ARHGAP27: variants seen among roughly 807,000 people sequenced by gnomAD.
The protein encoded by ARHGAP27 is rho GTPase-activating protein 27.
A neutral mutation model predicts 102.0 loss-of-function variants in ARHGAP27; 53 were observed. The ratio of observed to expected loss-of-function variants is 0.52; its 90% CI spans 0.42 to 0.65. The LOEUF (loss-of-function observed/expected upper bound fraction) is 0.65. Among genes scored for constraint, ARHGAP27 ranks in the 30% least tolerant of loss-of-function variants. The pLI is 0.00. For synonymous variants in ARHGAP27, 525 were observed against 542.8 expected (o/e 0.97, Z 0.46); for missense variants, 1,117 against 1,256.2 (o/e 0.89, Z 1.68).
At chr17:45,432,520 C>A (rs947630918) in intron 1 of ARHGAP27, among the ~76,000 whole-genome samples, 171 bp from the exon 2 acceptor site, 2 of 152,184 alleles carry the variant, frequency 1.3e-5, no homozygotes, top group African/African-American at 4.8e-5. Flanking sequence ...TCCCTCCAGC[C>A]CCCAGATGGA....
rs1192489617 is a variant in ARHGAP27, at chr17:45,427,967, T to C, written c.657+1656A>G. Among the ~76,000 whole-genome samples, 1 of 152,202 alleles carries C rather than the reference T, an allele frequency of 6.6e-6. No homozygotes were observed. Among genetic ancestry groups the C allele is most frequent in the East Asian group, 1.9e-4 (1 of 5,200 alleles). On this transcript the variant is annotated intron_variant, in intron 4 of 19. Coordinates refer to ENST00000685559, the MANE Select transcript of ARHGAP27 (RefSeq NM_001282290.2). The surrounding 1 kb of genome is among the most constrained non-coding windows in gnomAD (Gnocchi z 4.5). ...CCTGGGCAGTCTCCTTCCTCTTTGG[T>C]CCTGGGGCCTGGGGTGTTGGCCCTT...
At chr17:45,421,962 T>C (rs35519908) in intron 4 of ARHGAP27, among the ~76,000 whole-genome samples, 21,179 of 152,018 alleles carry the variant, frequency 0.14, 1,758 homozygotes, top group Middle Eastern at 0.23. Flanking sequence ...GGTCAGGAGT[T>C]TGAGACCAGC....
intron 4 of ARHGAP27, among the ~76,000 whole-genome samples, chr17:45,422,954 G>A (rs548417940): frequency 6.6e-6 from 1 of 152,286 alleles, no homozygotes; most frequent in Admixed American, 6.5e-5. Context: ...GCTGAGGTGG[G>A]TGGATCACTT....
At chr17:45,429,441 G>T in intron 4 of ARHGAP27, 182 bp downstream of exon 4, 1 of 1,428,966 alleles carries the variant, frequency 7.0e-7, no homozygotes, top group Non-Finnish European at 9.1e-7. Context: ...GCTGATGAGG[G>T]ACTGCGGGCG....
chr17:45,412,312 A>C (rs2048005218), intron 4 of ARHGAP27, among the ~76,000 whole-genome samples: 1 of 152,140 alleles, frequency 6.6e-6, no homozygotes, highest in Non-Finnish European at 1.5e-5. Context: ...ACCTCCCTCC[A>C]CCACACCCTC....
Position 45,403,550 on chromosome 17 carries a change from C to CA in ARHGAP27, c.1638+68dup, listed in dbSNP as rs1000727387. ...TGGGTGACAGAGCGAGACTCCGTCT[C>CA]AAAAAAAATAAAAATAAAAATAAAA... is the stretch of plus-strand genomic sequence containing the variant. On this transcript the variant is annotated intron_variant, in intron 11 of 19. Coordinates refer to ENST00000685559, the MANE Select transcript of ARHGAP27 (RefSeq NM_001282290.2). The CA allele has an allele frequency of 7.0e-5, 94 of 1,339,884 alleles. No individual in the cohort carries two copies. The African/African-American group carries it at 7.0e-4, about 10-fold the overall frequency. 83.0% of individuals were successfully genotyped at this position (1,339,884 alleles called of 1,614,324 possible). A position where few individuals can be genotyped will look rare whatever the true frequency, so the allele number is the denominator to read the frequency against.
rs1454493720 is a variant in ARHGAP27 at position 45,429,815 on chromosome 17, C to A, written c.465G>T (p.Gln155His). The A allele has an allele frequency of 2.1e-6, 3 of 1,446,402 alleles. No individual in the cohort carries two copies. The highest frequency in any genetic ancestry group is 2.4e-4 in the Middle Eastern group (1 of 4,202). 89.6% of individuals were successfully genotyped at this position (1,446,402 alleles called of 1,614,324 possible). A position where few individuals can be genotyped will look rare whatever the true frequency, so the allele number is the denominator to read the frequency against. ...LRPAAPVRPA[Q>H]SLNDLACAAV... ...CGGCGCAGGCCAGGTCGTTCAGGGA[C>A]TGCGCGGGCCGCACGGGCGCCGCGG... is the stretch of plus-strand genomic sequence containing the variant. Residue 155 changes from glutamine to histidine, a missense_variant, in exon 4 of 20, where the codon CAG becomes CAT. Transcript: ENST00000685559.
At chr17:45,426,600 A>C in intron 4 of ARHGAP27, among the ~76,000 whole-genome samples, 2 of 140,412 alleles carry the variant, frequency 1.4e-5, no homozygotes, top group African/African-American at 2.8e-5. Flanking sequence ...CCATCCCCAC[A>C]TCCTGCCCCC....
At chr17:45,408,425 G>A (rs1230103) in intron 4 of ARHGAP27, 52,466 of 151,950 alleles carry the variant, frequency 0.35, 9,346 homozygotes, top group East Asian at 0.54. Context: ...TGAAGAGGAT[G>A]TTACAGTTTT....
At chr17:45,431,197 C>T (rs935206386) in intron 3 of ARHGAP27, among the ~76,000 whole-genome samples, 7 of 152,160 alleles carry the variant, frequency 4.6e-5, no homozygotes, top group African/African-American at 1.7e-4. Flanking sequence ...ACCCAAAGCT[C>T]TCCGGAGTGG....
intron 13 of ARHGAP27, chr17:45,397,630 A>T (rs1210670392): frequency 6.0e-6 from 2 of 331,538 alleles, no homozygotes; most frequent in Non-Finnish European, 1.1e-5. Context: ...TTAAAATTTT[A>T]TCTGCTAGTT....
At chr17:45,399,751 A>G (rs1221086510) in intron 12 of ARHGAP27, among the ~76,000 whole-genome samples, 1 of 152,258 alleles carries the variant, frequency 6.6e-6, no homozygotes, top group Non-Finnish European at 1.5e-5. Context: ...GAATGGCTTG[A>G]CAACACTTCT....
chr17:45,412,936 G>A (rs1165108192), intron 4 of ARHGAP27, among the ~76,000 whole-genome samples: 1 of 143,678 alleles, frequency 7.0e-6, no homozygotes, highest in African/African-American at 2.6e-5. Context: ...GTGCCTCCCA[G>A]GTGTGGCACC....
chr17:45,404,884 A>C, intron 6 of ARHGAP27, 40 bp downstream of exon 6: 1 of 1,613,046 alleles, frequency 6.2e-7, no homozygotes, highest in Non-Finnish European at 8.5e-7. Context: ...TGTGGGGAGG[A>C]CTCTGAGGCT....
rs2045650721 is a variant in ARHGAP27, at chr17:45,396,303, C to T, written c.2174-19G>A. 1 of 1,600,070 alleles carries T rather than the reference C, an allele frequency of 6.2e-7. No individual in the cohort carries two copies. Among genetic ancestry groups the T allele is most frequent in the South Asian group, 1.1e-5 (1 of 89,490 alleles). ...TCCAGCCCTGGGCCAGAGGGAGGCGCTGATCCCGGGTTCAGGGATGGGGAT... is the reference window on the plus strand; with the variant it reads ...TCCAGCCCTGGGCCAGAGGGAGGCGTTGATCCCGGGTTCAGGGATGGGGAT... On this transcript the variant is annotated intron_variant, in intron 16 of 19. Transcript: ENST00000685559.
chr17:45,413,006 G>T (rs1348566239), intron 4 of ARHGAP27, among the ~76,000 whole-genome samples: 2 of 91,254 alleles, frequency 2.2e-5, no homozygotes, highest in Admixed American at 1.7e-4. Flanking sequence ...TTTTAATGGA[G>T]TCTCACTCTG....
intron 4 of ARHGAP27, among the ~76,000 whole-genome samples, chr17:45,416,297 G>A (rs1247324018): frequency 5.9e-5 from 9 of 151,556 alleles, no homozygotes; most frequent in Non-Finnish European, 1.3e-4. Flanking sequence ...CTCGTGATCC[G>A]CCCACCTCAG....
At chr17:45,410,401 A>G in intron 4 of ARHGAP27, 1 of 1,215,918 alleles carries the variant, frequency 8.2e-7, no homozygotes, top group Non-Finnish European at 1.0e-6. Flanking sequence ...AGTTGCCGAG[A>G]TGGCGGGAGG....
In ARHGAP27 at chr17:45,417,849, C is replaced by T. The variant is rs540432050; in HGVS notation, c.658-11766G>A. On this transcript the variant is annotated intron_variant, in intron 4 of 19. Coordinates refer to ENST00000685559, the MANE Select transcript of ARHGAP27 (RefSeq NM_001282290.2). ...CGGGTGGATCACAAGGTCAGGAGAT[C>T]GAGACCATCATGGCTAACACGGTGA... Among the ~76,000 whole-genome samples the T allele has an allele frequency of 1.2e-4, 18 of 151,824 alleles. No individual in the cohort carries two copies. The South Asian group carries it at 1.7e-3, about 14-fold the overall frequency.
Sources: allele counts gnomAD v4.1 joint callset (sites outside exome capture counted in the v4.1 genomes callset), GRCh38; gene constraint gnomAD v4.1.1; non-coding constraint Gnocchi (gnomAD v3.1); transcripts MANE v1.5; gene names NCBI Gene and HGNC (gene_info 2026-07-23, HGNC 2026-07-21).